The following SOX6 variants were observed in gnomAD, a reference collection of about 807,000 sequenced individuals.
SOX6 encodes SRY-box transcription factor 6.
In SOX6, 11 loss-of-function variants were observed where a neutral mutation model predicts 97.8. The observed-to-expected ratio is 0.11, with a 90% CI of 0.07 to 0.19. SOX6 has a LOEUF of 0.19. SOX6 is among the 10% of genes least tolerant of loss of function. The pLI is 1.00. For missense variants in SOX6, 810 were observed against 1,039.5 expected (o/e 0.78, Z 3.04); for synonymous variants, 360 against 371.4 (o/e 0.97, Z 0.35).
intron 6 of SOX6, among the ~76,000 whole-genome samples, chr11:16,161,812 C>T (rs1209657198): frequency 6.6e-6 from 1 of 152,138 alleles, no homozygotes; most frequent in African/African-American, 2.4e-5. Flanking sequence ...TTGGCCTTGC[C>T]TTAGTGTGTT....
intron 3 of SOX6, 61 bp from the exon 4 acceptor site, chr11:16,234,732 T>C: frequency 1.0e-6 from 1 of 998,810 alleles, no homozygotes; most frequent in South Asian, 1.7e-5. Flanking sequence ...AGAAAGTCAG[T>C]TTATGGGGAA....
At chr11:16,431,993 T>C (rs1471737669) in intron 1 of SOX6, among the ~76,000 whole-genome samples, 1 of 152,134 alleles carries the variant, frequency 6.6e-6, no homozygotes, top group Non-Finnish European at 1.5e-5. Flanking sequence ...GAAACAAAGA[T>C]ATGGTATTGT....
At chr11:16,167,762 C>T (rs1850924759) in intron 6 of SOX6, among the ~76,000 whole-genome samples, 1 of 152,102 alleles carries the variant, frequency 6.6e-6, no homozygotes, top group Non-Finnish European at 1.5e-5. Flanking sequence ...ACTACCTTCT[C>T]CCTTAAGTAC....
intron 4 of SOX6, among the ~76,000 whole-genome samples, chr11:16,549,620 CAT>C (rs1847659910): frequency 6.6e-6 from 1 of 152,094 alleles, no homozygotes; most frequent in South Asian, 2.1e-4. Context: ...GAAATGAAAA[CAT>C]ATGTCCACAC....
chr11:16,569,743 C>A (rs1847916622), intron 4 of SOX6, among the ~76,000 whole-genome samples: 1 of 151,558 alleles, frequency 6.6e-6, no homozygotes, highest in South Asian at 2.1e-4. Context: ...GTGGCGGGCA[C>A]CTGTAGTCCC....
intron 1 of SOX6, among the ~76,000 whole-genome samples, chr11:16,407,282 T>C (rs926411129): frequency 6.6e-6 from 1 of 152,140 alleles, no homozygotes; most frequent in African/African-American, 2.4e-5. Context: ...AAAATTCTTT[T>C]GAAGTCCAAG....
At position 16,070,981 on chromosome 11, in the gene SOX6, G is replaced by C. The variant is rs567822016; in HGVS notation, c.1102-15080C>G. The stretch of plus-strand genomic sequence containing the variant: ...GCACCAGCACCATAGCTCCAACAGA[G>C]GTCACAGTTGTGGTGCCTGAGAGCA... On this transcript the variant is annotated intron_variant, in intron 9 of 15. Transcript: ENST00000683767. 1.4e-3 allele frequency among the ~76,000 whole-genome samples: 212 copies of C among 152,338 alleles called. 1 individual carries two copies. The highest frequency in any genetic ancestry group is 4.8e-3 in the African/African-American group (198 of 41,578).
At chr11:16,489,903 A>T (rs771714574) in intron 4 of SOX6, among the ~76,000 whole-genome samples, 17 of 152,132 alleles carry the variant, frequency 1.1e-4, no homozygotes, top group Non-Finnish European at 1.9e-4. Context: ...CTAGATATGT[A>T]ACCATGGGCA....
At position 16,605,157 on chromosome 11, in the gene SOX6, G is replaced by A. The variant is rs543070334; in HGVS notation, n.609+6924C>T. Among the ~76,000 whole-genome samples the A allele has an allele frequency of 2.6e-5, 4 of 151,832 alleles. No individual in the cohort carries two copies. In the South Asian group the frequency reaches 6.3e-4, roughly 24 times the overall value. On this transcript the variant is annotated intron_variant and non_coding_transcript_variant, in intron 4 of 5. Coordinates refer to the SOX6 transcript ENST00000524520. The surrounding 1 kb of genome is among the most constrained non-coding windows in gnomAD (Gnocchi z 5.3). ...CCCGGGAGCAGCGGACCGCGGCCCC[G>A]GCTGCAGAGGAACGGCGGGTGGCGG...
At chr11:16,312,719 A>C (rs1855639212) in intron 3 of SOX6, 1 of 152,184 alleles carries the variant, frequency 6.6e-6, no homozygotes, top group African/African-American at 2.4e-5. Flanking sequence ...CTCTGATTAA[A>C]TATATGTATT....
intron 6 of SOX6, among the ~76,000 whole-genome samples, chr11:16,118,304 A>T (rs1189763083): frequency 6.6e-6 from 1 of 152,210 alleles, no homozygotes; most frequent in Non-Finnish European, 1.5e-5. Context: ...CCTTTTGGAG[A>T]GGGTGGGGAA....
chr11:16,351,265 A>C (rs1259178434), intron 1 of SOX6, among the ~76,000 whole-genome samples: 2 of 151,926 alleles, frequency 1.3e-5, no homozygotes, highest in South Asian at 2.1e-4. Flanking sequence ...AAACATGAAC[A>C]CTCTATCCAC....
chr11:15,979,483 T>C (rs952995035), intron 15 of SOX6, among the ~76,000 whole-genome samples: 2 of 152,112 alleles, frequency 1.3e-5, no homozygotes, highest in African/African-American at 4.8e-5. Flanking sequence ...ATTCCTCTGC[T>C]TAAAACTCAT....
At chr11:16,132,440 AGAAAAAAGAAAGAAAG>A (rs1564972615) in intron 6 of SOX6, among the ~76,000 whole-genome samples, 23 of 100,200 alleles carry the variant, frequency 2.3e-4, no homozygotes, top group African/African-American at 7.4e-4. Context: ...AAAGAAAGAA[AGAAAAAAGAAAGAAAG>A]AAAGAAAGAA....
chr11:16,226,814 G>C (rs990961705), intron 4 of SOX6, among the ~76,000 whole-genome samples: 1 of 152,154 alleles, frequency 6.6e-6, no homozygotes, highest in Non-Finnish European at 1.5e-5. Context: ...TATCACTCCT[G>C]GTTTGCCATA....
intron 11 of SOX6, among the ~76,000 whole-genome samples, chr11:16,048,486 A>G (rs1847600403): frequency 6.6e-6 from 1 of 152,308 alleles, no homozygotes; most frequent in African/African-American, 2.4e-5. Context: ...GTAACATGTG[A>G]GAGGACCTAG....
chr11:16,102,447 T>C (rs1302643520), intron 7 of SOX6, among the ~76,000 whole-genome samples: 3 of 151,946 alleles, frequency 2.0e-5, no homozygotes, highest in African/African-American at 4.8e-5. Context: ...AAAATGACTA[T>C]ACTGCCAAAA....
In SOX6 at chr11:16,015,000, A is replaced by G. The variant is rs1192396401; in HGVS notation, c.1674T>C (p.Asn558=). ...CACCTGGGCCCAGTTTTCCATCTTC[A>G]TTTGACTTTCCCGTTAACTGGGGCC... is the stretch of plus-strand genomic sequence containing the variant. ...NLGPQLTGKS[N]EDGKLGPGVI... Residue 558 remains asparagine (N), a synonymous_variant, in exon 13 of 16, where the codon AAT becomes AAC. Transcript: ENST00000683767. 3.7e-6 allele frequency: 6 copies of G among 1,612,862 alleles called. No homozygotes were observed. Among genetic ancestry groups the G allele is most frequent in the Non-Finnish European group, 5.1e-6 (6 of 1,179,330 alleles).
chr11:16,541,617 CA>C (rs1861410100), intron 4 of SOX6, among the ~76,000 whole-genome samples: 3 of 151,786 alleles, frequency 2.0e-5, no homozygotes, highest in South Asian at 4.2e-4. Context: ...AACAAATTTA[CA>C]AGAAAAAAAA....
Sources: gnomAD v4.1 joint callset for allele counts (sites outside exome capture counted in the v4.1 genomes callset) on GRCh38, gnomAD v4.1.1 for gene constraint, Gnocchi (gnomAD v3.1) non-coding constraint, MANE v1.5 for transcripts, NCBI Gene and HGNC (gene_info 2026-07-23, HGNC 2026-07-21) for gene names.